Variants in LHFPL3 observed in about 807,000 individuals in gnomAD.
The protein encoded by LHFPL3 is LHFPL tetraspan subfamily member 3, also known as LHFPL tetraspan subfamily member 3 protein.
A neutral mutation model predicts 19.3 loss-of-function variants in LHFPL3; 5 were observed. The ratio of observed to expected loss-of-function variants is 0.26; its 90% CI spans 0.14 to 0.54. The LOEUF is 0.54. Ranked by LOEUF, LHFPL3 falls within the 20% of genes least tolerant of loss-of-function variation. The probability of loss-of-function intolerance (pLI) is 0.94; values close to 1 mark genes in which losing one functional copy is unlikely to be tolerated. For missense variants in LHFPL3, 249 were observed against 307.4 expected (o/e 0.81, Z 1.42); for synonymous variants, 133 against 126.2 (o/e 1.05, Z -0.36).
At chr7:104,359,306 A>C (rs886767578) in intron 1 of LHFPL3, among the ~76,000 whole-genome samples, 1 of 152,230 alleles carries the variant, frequency 6.6e-6, no homozygotes, top group Non-Finnish European at 1.5e-5. Context: ...CACCTGATAG[A>C]GCCTTCAGAA....
At chr7:104,591,321 G>C (rs1385588683) in intron 1 of LHFPL3, among the ~76,000 whole-genome samples, 2 of 152,044 alleles carry the variant, frequency 1.3e-5, no homozygotes, top group East Asian at 1.9e-4. Flanking sequence ...GGTGACAAAA[G>C]TCTCTCAGCA....
At chr7:104,563,761 C>T (rs1790065670) in intron 1 of LHFPL3, among the ~76,000 whole-genome samples, 2 of 152,172 alleles carry the variant, frequency 1.3e-5, no homozygotes, top group South Asian at 2.1e-4. Flanking sequence ...CCAGATCTGC[C>T]AGCACTTTGA....
At chr7:104,352,959 CATTGGGTTGGTGCCTG>C (rs1308059639) in intron 1 of LHFPL3, among the ~76,000 whole-genome samples, 1 of 152,132 alleles carries the variant, frequency 6.6e-6, no homozygotes, top group Non-Finnish European at 1.5e-5. Flanking sequence ...TTTCCAAGTG[CATTGGGTTGGTGCCTG>C]ATTTCAGTGG....
At chr7:104,619,407 G>A (rs1006475556) in intron 1 of LHFPL3, among the ~76,000 whole-genome samples, 1 of 151,884 alleles carries the variant, frequency 6.6e-6, no homozygotes, top group African/African-American at 2.4e-5. Context: ...TTACATATCA[G>A]CTTGCAATTA....
chr7:104,411,057 G>A (rs1012346567), intron 1 of LHFPL3, among the ~76,000 whole-genome samples: 1 of 152,130 alleles, frequency 6.6e-6, no homozygotes, highest in Non-Finnish European at 1.5e-5. Context: ...CTATGCCCTC[G>A]TGAAAGTAGA....
In LHFPL3 at chr7:104,662,932, T is replaced by G. The variant is rs377100960; in HGVS notation, c.446-73743T>G. On this transcript the variant is annotated intron_variant, in intron 1 of 2. Coordinates refer to ENST00000424859, the MANE Select transcript of LHFPL3 (RefSeq NM_199000.3). ...AACTGATACTCAGTTATTTCAAATG[T>G]CATGACCATCTGTGTTTAAAAATAC... is the stretch of plus-strand genomic sequence containing the variant. Among the ~76,000 whole-genome samples the G allele has an allele frequency of 6.6e-5, 10 of 152,340 alleles. No individual in the cohort carries two copies. In the South Asian group the frequency reaches 2.1e-3, roughly 32 times the overall value.
At chr7:104,699,779 T>A (rs1793066777) in intron 1 of LHFPL3, among the ~76,000 whole-genome samples, 1 of 152,222 alleles carries the variant, frequency 6.6e-6, no homozygotes, top group Admixed American at 6.5e-5. Flanking sequence ...AATTTAGTTA[T>A]CCTCATAGCT....
chr7:104,460,551 G>A (rs1321106731), intron 1 of LHFPL3, among the ~76,000 whole-genome samples: 1 of 152,114 alleles, frequency 6.6e-6, no homozygotes, highest in Non-Finnish European at 1.5e-5. Context: ...TCTGACTGGT[G>A]TGAGATGGTA....
At chr7:104,584,065 C>T (rs1053907660) in intron 1 of LHFPL3, among the ~76,000 whole-genome samples, 7 of 152,060 alleles carry the variant, frequency 4.6e-5, no homozygotes, top group Admixed American at 1.3e-4. Context: ...ACCCAAATGT[C>T]CAACAATGAT....
chr7:104,564,224 G>T (rs1790076045), intron 1 of LHFPL3, among the ~76,000 whole-genome samples: 1 of 152,152 alleles, frequency 6.6e-6, no homozygotes, highest in East Asian at 1.9e-4. Context: ...CATGTTATGG[G>T]TTCTATTACC....
At chr7:104,451,664 A>C (rs914184233) in intron 1 of LHFPL3, among the ~76,000 whole-genome samples, 6 of 152,188 alleles carry the variant, frequency 3.9e-5, no homozygotes, top group African/African-American at 1.4e-4. Context: ...ATTTTAGAGC[A>C]TACATTCTAT....
chr7:104,744,006 T>A (rs1793990438), intron 2 of LHFPL3: 1 of 151,570 alleles, frequency 6.6e-6, no homozygotes, highest in African/African-American at 2.4e-5. Flanking sequence ...CCCTGCAAAT[T>A]TTTTTTGGTA....
rs188655900 is a variant in LHFPL3, at chr7:104,615,360, C to G, written c.446-121315C>G. ...AAGCATTAACAATCGCTCCATTGAT[C>G]ATTCTTTTTTAAAAATTATCATTGT... On this transcript the variant is annotated intron_variant, in intron 1 of 2. Transcript: ENST00000424859. Among the ~76,000 whole-genome samples, 208 of 152,264 alleles carry G rather than the reference C, an allele frequency of 1.4e-3. 2 individuals carry two copies. Among genetic ancestry groups the G allele is most frequent in the African/African-American group, 4.8e-3 (200 of 41,554 alleles).
At chr7:104,463,095 T>A (rs957230848) in intron 1 of LHFPL3, among the ~76,000 whole-genome samples, 2 of 152,188 alleles carry the variant, frequency 1.3e-5, no homozygotes, top group African/African-American at 2.4e-5. Flanking sequence ...ATATCATCTT[T>A]GTCATAATTA....
At chr7:104,392,063 T>C (rs1263295400) in intron 1 of LHFPL3, among the ~76,000 whole-genome samples, 1 of 152,238 alleles carries the variant, frequency 6.6e-6, no homozygotes, top group Non-Finnish European at 1.5e-5. Context: ...TGAAGTTGCT[T>C]ATCAGCTTAA....
chr7:104,798,645 A>G (rs757536253), intron 2 of LHFPL3, among the ~76,000 whole-genome samples: 17 of 152,180 alleles, frequency 1.1e-4, no homozygotes, highest in Non-Finnish European at 2.4e-4. Flanking sequence ...TAAAAATACA[A>G]TGTAATGTAA....
intron 2 of LHFPL3, among the ~76,000 whole-genome samples, chr7:104,888,756 T>A (rs1481238316): frequency 1.3e-5 from 2 of 152,216 alleles, no homozygotes; most frequent in African/African-American, 4.8e-5. Flanking sequence ...TGGACAATCA[T>A]GTGTAGGCTG....
At chr7:104,731,598 G>A (rs1793706451) in intron 1 of LHFPL3, among the ~76,000 whole-genome samples, 2 of 151,884 alleles carry the variant, frequency 1.3e-5, no homozygotes, top group African/African-American at 4.8e-5. Context: ...TGCTGAAGTT[G>A]CTTATCAGCT....
chr7:104,468,078 A>C (rs1302264577), intron 1 of LHFPL3, among the ~76,000 whole-genome samples: 3 of 152,228 alleles, frequency 2.0e-5, no homozygotes, highest in Non-Finnish European at 4.4e-5. Context: ...AAATCACTGA[A>C]ATTACTAGAA....
Sources: allele counts gnomAD v4.1 joint callset (sites outside exome capture counted in the v4.1 genomes callset), GRCh38; gene constraint gnomAD v4.1.1; transcripts MANE v1.5; gene names NCBI Gene and HGNC (gene_info 2026-07-23, HGNC 2026-07-21).